The following LIMA1 variants were observed in gnomAD, a reference collection of about 807,000 sequenced individuals.
LIMA1 encodes LIM domain and actin-binding protein 1.
A neutral mutation model predicts 62.6 loss-of-function variants in LIMA1; 52 were observed. The observed-to-expected ratio is 0.83, with a 90% confidence interval of 0.67 to 1.05. LIMA1 has a LOEUF of 1.05. Ranked by LOEUF, LIMA1 falls within the 50% of genes least tolerant of loss-of-function variation. The pLI, the probability that LIMA1 is intolerant of heterozygous loss-of-function variation, is 0.00. For missense variants in LIMA1, 780 were observed against 902.2 expected (o/e 0.86, Z 1.74); for synonymous variants, 302 against 317.8 (o/e 0.95, Z 0.53).
intron 1 of LIMA1, among the ~76,000 whole-genome samples, chr12:50,258,708 T>C (rs1942029611): frequency 1.4e-5 from 2 of 141,222 alleles, no homozygotes; most frequent in South Asian, 4.8e-4. Context: ...AGTGCAGTGG[T>C]GCGATCTCGG....
intron 8 of LIMA1, among the ~76,000 whole-genome samples, chr12:50,194,826 T>C (rs948963186): frequency 3.3e-5 from 5 of 151,938 alleles, no homozygotes; most frequent in African/African-American, 1.2e-4. Flanking sequence ...GGCGGGTGGA[T>C]TGCCTGAGCT....
At chr12:50,194,509 G>A (rs544259408) in intron 8 of LIMA1, among the ~76,000 whole-genome samples, 2 of 151,530 alleles carry the variant, frequency 1.3e-5, no homozygotes, top group Non-Finnish European at 2.9e-5. Flanking sequence ...TATTGGCCAG[G>A]CTGGTCTTGA....
chr12:50,195,857 G>A lies in LIMA1; in HGVS notation c.1003C>T (p.Arg335Cys), dbSNP rs373214767. The change falls in exon 8 of 11, where the codon CGT becomes TGT. Residue 335 changes from arginine (R) to cysteine (C), a missense_variant. Transcript: ENST00000341247. ...GAGTCATCTTCGGCAGGGGTGGAACGGACTGCCAGGCTATTCTCATTTGCA... is the reference window on the plus strand; with the variant it reads ...GAGTCATCTTCGGCAGGGGTGGAACAGACTGCCAGGCTATTCTCATTTGCA... ...ISANENSLAV[R>C]STPAEDDSRD... is the part of the protein sequence containing the mutation. 21 of 1,589,938 alleles carry A rather than the reference G, an allele frequency of 1.3e-5. No homozygotes were observed. Among genetic ancestry groups the A allele is most frequent in the Middle Eastern group, 1.7e-4 (1 of 5,954 alleles).
At chr12:50,191,738 C>T (rs1940777730) in intron 9 of LIMA1, among the ~76,000 whole-genome samples, 2 of 152,154 alleles carry the variant, frequency 1.3e-5, no homozygotes, top group Admixed American at 6.5e-5. Context: ...AGGAGAATGG[C>T]GTGAACCCGG....
In LIMA1 at chr12:50,178,966, A is replaced by ATTT. The variant is rs1555203081; in HGVS notation, c.1275-900_1275-898dup. Among the ~76,000 whole-genome samples the ATTT allele has an allele frequency of 5.4e-4, 70 of 128,960 alleles. 1 individual carries two copies. Among genetic ancestry groups the ATTT allele is most frequent in the Admixed American group, 2.8e-3 (37 of 13,094 alleles). The allele number at this position is 128,960 out of a possible 152,430, so 84.6% of individuals were successfully genotyped here. On this transcript the variant is annotated intron_variant, in intron 10 of 10. Coordinates refer to ENST00000341247, the MANE Select transcript of LIMA1 (RefSeq NM_016357.5). ...TATATAAATACATATATATATATAT[A>ATTT]TTTTTTTTTTCTTTTTCTTTTCTTT... is the stretch of plus-strand genomic sequence containing the variant.
intron 6 of LIMA1, among the ~76,000 whole-genome samples, chr12:50,203,802 C>T (rs185443830): frequency 1.3e-5 from 2 of 152,306 alleles, no homozygotes; most frequent in African/African-American, 4.8e-5. Context: ...TTTAGGAAAA[C>T]AGTACATCGT....
At chr12:50,279,079 C>T (rs1157814004) in intron 1 of LIMA1, among the ~76,000 whole-genome samples, 1 of 148,260 alleles carries the variant, frequency 6.7e-6, no homozygotes, top group Non-Finnish European at 1.5e-5. Context: ...GAGCTTGGCT[C>T]TCTGCAACCT....
In LIMA1 at chr12:50,177,753, C is replaced by T. The variant is rs139548333; in HGVS notation, c.1591G>A (p.Ala531Thr). 3.3e-5 allele frequency: 53 copies of T among 1,613,936 alleles called. No individual in the cohort carries two copies. The African/African-American group carries it at 5.1e-4, about 15-fold the overall frequency. ...CCAAGTTCAGTGGGGGGTGGCCAGGCGATCCTCAGCTTCTTGGTTTCAGCT... is the reference window on the plus strand; with the variant it reads ...CCAAGTTCAGTGGGGGGTGGCCAGGTGATCCTCAGCTTCTTGGTTTCAGCT... Reference protein sequence around the residue: ...KPAETKKLRIAWPPPTELGSS... With the variant: ...KPAETKKLRITWPPPTELGSS... Residue 531 changes from alanine (A) to threonine (T), a missense_variant, in exon 11 of 11, where the codon GCC (alanine) becomes ACC (threonine). Physicochemically the swap from Ala to Thr is moderately conservative, Grantham distance 58. Coordinates refer to ENST00000341247, the MANE Select transcript of LIMA1 (RefSeq NM_016357.5).
At chr12:50,262,664 AAAAT>A (rs1942086747) in intron 1 of LIMA1, among the ~76,000 whole-genome samples, 1 of 147,978 alleles carries the variant, frequency 6.8e-6, no homozygotes, top group African/African-American at 2.6e-5. Flanking sequence ...AAAATAAAAT[AAAAT>A]AAAAATTAAC....
chr12:50,193,011 T>C (rs1337113778), intron 8 of LIMA1, among the ~76,000 whole-genome samples: 1 of 147,874 alleles, frequency 6.8e-6, no homozygotes, highest in East Asian at 2.0e-4. Context: ...TGTGCGCGCG[T>C]GCGCGCATTT....
chr12:50,206,636 C>T (rs1451546998), intron 4 of LIMA1, among the ~76,000 whole-genome samples: 2 of 152,136 alleles, frequency 1.3e-5, no homozygotes, highest in African/African-American at 4.8e-5. Flanking sequence ...AAATTAAACT[C>T]GAAGTGCTTA....
intron 1 of LIMA1, among the ~76,000 whole-genome samples, chr12:50,260,678 G>A (rs1942055093): frequency 6.6e-6 from 1 of 151,952 alleles, no homozygotes; most frequent in African/African-American, 2.4e-5. Flanking sequence ...GAAGTTAAAA[G>A]GAGAACTTAC....
At chr12:50,205,825 C>G (rs934503931) in intron 5 of LIMA1, among the ~76,000 whole-genome samples, 159 bp downstream of exon 5, 1 of 149,100 alleles carries the variant, frequency 6.7e-6, no homozygotes, top group Non-Finnish European at 1.5e-5. Context: ...AGCTATTTAT[C>G]GAGAGCAATG....
chr12:50,209,171 A>G (rs773283951), intron 4 of LIMA1, among the ~76,000 whole-genome samples: 3 of 151,834 alleles, frequency 2.0e-5, no homozygotes, highest in Admixed American at 6.6e-5. Flanking sequence ...GAACAACACT[A>G]TCCGTGCTAC....
chr12:50,212,455 T>G (rs1941274664), intron 4 of LIMA1, among the ~76,000 whole-genome samples: 1 of 152,208 alleles, frequency 6.6e-6, no homozygotes. Flanking sequence ...GAAAAATTTC[T>G]TTCTTCAGGG....
chr12:50,261,265 G>A (rs1043508095), intron 1 of LIMA1, among the ~76,000 whole-genome samples: 12 of 151,298 alleles, frequency 7.9e-5, no homozygotes, highest in Non-Finnish European at 8.8e-5. Flanking sequence ...TGTTAGCCAG[G>A]ATGGTCTCCA....
chr12:50,199,924 G>A (rs1057087574), intron 7 of LIMA1, among the ~76,000 whole-genome samples: 4 of 150,828 alleles, frequency 2.7e-5, no homozygotes, highest in African/African-American at 7.3e-5. Flanking sequence ...ATGGAGTTTC[G>A]CTCTTGTTGC....
intron 9 of LIMA1, chr12:50,185,607 A>C (rs1435302714): frequency 7.5e-6 from 3 of 401,216 alleles, no homozygotes; most frequent in Non-Finnish European, 1.5e-5. Context: ...TCATGGCAAA[A>C]TCAGCCTCAC....
At chr12:50,268,907 C>T (rs7308823) in intron 1 of LIMA1, among the ~76,000 whole-genome samples, 2,117 of 152,198 alleles carry the variant, frequency 0.014, 45 homozygotes, top group African/African-American at 0.049. Context: ...CACATCTTCC[C>T]GGTATTTAGG....
Sources: allele counts gnomAD v4.1 joint callset (sites outside exome capture counted in the v4.1 genomes callset), GRCh38; gene constraint gnomAD v4.1.1; transcripts MANE v1.5; gene names NCBI Gene and HGNC (gene_info 2026-07-23, HGNC 2026-07-21).